THEM4: variants seen among roughly 807,000 people sequenced by gnomAD.
THEM4 encodes acyl-coenzyme A thioesterase THEM4.
THEM4 carries 22 observed loss-of-function variants against 25.0 expected under a neutral mutation model. The observed-to-expected ratio is 0.88, with a 90% CI of 0.63 to 1.26. The LOEUF is 1.26. THEM4 is among the 50% of genes most tolerant of loss of function. THEM4 has a pLI of 0.00. For synonymous variants in THEM4, 113 were observed against 105.6 expected (o/e 1.07, Z -0.43); for missense variants, 286 against 300.3 (o/e 0.95, Z 0.35).
intron 3 of THEM4, among the ~76,000 whole-genome samples, chr1:151,888,737 A>G (rs1654022831): frequency 6.6e-6 from 1 of 152,296 alleles, no homozygotes; most frequent in Non-Finnish European, 1.5e-5. Flanking sequence ...CTGAGGTGAG[A>G]GGATTGCTTG....
chr1:151,898,303 G>T (rs1408905672), intron 1 of THEM4, among the ~76,000 whole-genome samples: 1 of 152,166 alleles, frequency 6.6e-6, no homozygotes, highest in African/African-American at 2.4e-5. Flanking sequence ...GGTGAGGCCT[G>T]TGACTGCCGG....
chr1:151,887,347 T>G (rs1456148169), intron 4 of THEM4, among the ~76,000 whole-genome samples: 1 of 151,906 alleles, frequency 6.6e-6, no homozygotes, highest in East Asian at 1.9e-4. Context: ...TGAGAATAGC[T>G]TGAACCTGGG....
chr1:151,907,986 C>A (rs1260450644), intron 1 of THEM4, among the ~76,000 whole-genome samples: 1 of 152,176 alleles, frequency 6.6e-6, no homozygotes, highest in Non-Finnish European at 1.5e-5. Flanking sequence ...CTGGCGTTCC[C>A]TACCAGGTGC....
At chr1:151,907,285 G>A (rs28415528) in intron 1 of THEM4, among the ~76,000 whole-genome samples, 50,909 of 152,022 alleles carry the variant, frequency 0.33, 8,886 homozygotes, top group South Asian at 0.56. Context: ...AGGAACAAAC[G>A]CCGGACATGC....
At chr1:151,878,757 T>C (rs571892960) in intron 4 of THEM4, among the ~76,000 whole-genome samples, 2 of 152,332 alleles carry the variant, frequency 1.3e-5, no homozygotes, top group East Asian at 3.9e-4. Flanking sequence ...CACAGGAAAC[T>C]GGCTTTAGCT....
chr1:151,890,547 G>A, intron 2 of THEM4: 1 of 177,066 alleles, frequency 5.6e-6, no homozygotes, highest in Non-Finnish European at 1.2e-5. Context: ...GAAGATCCAG[G>A]AGAAGTGGGG....
At chr1:151,902,324 C>T (rs538218550) in intron 1 of THEM4, among the ~76,000 whole-genome samples, 21 of 152,260 alleles carry the variant, frequency 1.4e-4, no homozygotes, top group African/African-American at 4.1e-4. Flanking sequence ...AACACAAAAT[C>T]GTGGAACCAA....
At chr1:151,888,794 C>A (rs1406416505) in intron 3 of THEM4, among the ~76,000 whole-genome samples, 4 of 152,056 alleles carry the variant, frequency 2.6e-5, no homozygotes, top group African/African-American at 9.7e-5. Context: ...TGCCACTGCA[C>A]TTCAGCCTGG....
At chr1:151,889,570 T>TC in intron 2 of THEM4, 197 bp from the exon 3 acceptor site, 1 of 528,536 alleles carries the variant, frequency 1.9e-6, no homozygotes, top group Non-Finnish European at 3.3e-6. Flanking sequence ...GAATTAACAG[T>TC]CCAACTGGGG....
At chr1:151,905,214 T>C (rs1172125493) in intron 1 of THEM4, among the ~76,000 whole-genome samples, 7 of 152,184 alleles carry the variant, frequency 4.6e-5, no homozygotes, top group Non-Finnish European at 8.8e-5. Context: ...TTCATGCCAT[T>C]GGCAGACGCA....
chr1:151,881,859 C>G (rs1362985330), intron 4 of THEM4, among the ~76,000 whole-genome samples: 1 of 152,132 alleles, frequency 6.6e-6, no homozygotes, highest in African/African-American at 2.4e-5. Context: ...TTTTCTTTAG[C>G]TCTTGAATAT....
At chr1:151,880,900 A>AT (rs1212939588) in intron 4 of THEM4, among the ~76,000 whole-genome samples, 1 of 151,916 alleles carries the variant, frequency 6.6e-6, no homozygotes, top group Non-Finnish European at 1.5e-5. Context: ...CTATCATCTT[A>AT]TTTTGGCTTA....
chr1:151,889,459 T>G, intron 2 of THEM4, 86 bp from the exon 3 acceptor site: 1 of 1,358,264 alleles, frequency 7.4e-7, no homozygotes, highest in Admixed American at 2.1e-5. Flanking sequence ...CCTGCTAGAA[T>G]CACATGTCAA....
At chr1:151,897,613 T>C (rs1479209063) in intron 1 of THEM4, among the ~76,000 whole-genome samples, 1 of 152,170 alleles carries the variant, frequency 6.6e-6, no homozygotes, top group African/African-American at 2.4e-5. Flanking sequence ...CCAACTTTCT[T>C]CAAAATCGTA....
intron 2 of THEM4, among the ~76,000 whole-genome samples, chr1:151,894,372 G>A (rs549410865): frequency 6.6e-6 from 1 of 152,038 alleles, no homozygotes; most frequent in Non-Finnish European, 1.5e-5. Context: ...CCTTAATTAA[G>A]AATAATATAT....
Position 151,874,662 on chromosome 1 carries a change from A to G in THEM4, c.*226T>C, listed in dbSNP as rs142186543. 3.2e-5 allele frequency: 19 copies of G among 593,904 alleles called. No homozygotes were observed. Among genetic ancestry groups the G allele is most frequent in the Non-Finnish European group, 5.1e-5 (17 of 333,648 alleles). The allele number at this position is 593,904 out of a possible 1,614,324, so 36.8% of individuals were successfully genotyped here. ...AGTGCTGGGATTATAGGTGTGAGCC[A>G]CAGCGCCTGGCCCGAGAGTTGTCGA... On this transcript the variant is annotated 3_prime_UTR_variant, in exon 6 of 6. Coordinates refer to ENST00000368814, the MANE Select transcript of THEM4 (RefSeq NM_053055.5).
At chr1:151,880,639 T>A (rs577625548) in intron 4 of THEM4, among the ~76,000 whole-genome samples, 1 of 152,246 alleles carries the variant, frequency 6.6e-6, no homozygotes, top group Non-Finnish European at 1.5e-5. Flanking sequence ...TTTATTACTA[T>A]GAAGTAGCCT....
At chr1:151,898,247 G>A (rs1654268611) in intron 1 of THEM4, among the ~76,000 whole-genome samples, 1 of 152,094 alleles carries the variant, frequency 6.6e-6, no homozygotes, top group Admixed American at 6.5e-5. Context: ...GATGTTGGAA[G>A]GGCATGGTGG....
chr1:151,876,715 C>T (rs1033966983), intron 5 of THEM4, among the ~76,000 whole-genome samples: 22 of 152,144 alleles, frequency 1.4e-4, no homozygotes, highest in South Asian at 2.1e-4. Context: ...TACCAAAGTG[C>T]GGGGACTACA....
Sources: allele counts gnomAD v4.1 joint callset (sites outside exome capture counted in the v4.1 genomes callset), GRCh38; gene constraint gnomAD v4.1.1; transcripts MANE v1.5; gene names NCBI Gene and HGNC (gene_info 2026-07-23, HGNC 2026-07-21).